KHDRBS2: variants seen among roughly 807,000 people sequenced by gnomAD.
KHDRBS2 encodes the protein KH domain-containing, RNA-binding, signal transduction-associated protein 2.
Under a neutral mutation model 44.3 loss-of-function variants are expected in KHDRBS2, and 26 were observed. That is an observed-to-expected ratio of 0.59 (90% CI 0.43 to 0.81). The LOEUF is 0.81. Ranked by LOEUF, KHDRBS2 falls within the 40% of genes least tolerant of loss-of-function variation. The pLI is 0.00. For synonymous variants in KHDRBS2, 194 were observed against 151.1 expected (o/e 1.28, Z -2.08); for missense variants, 476 against 433.1 (o/e 1.10, Z -0.88).
intron 4 of KHDRBS2, among the ~76,000 whole-genome samples, chr6:61,943,192 A>G (rs1225298661): frequency 6.6e-6 from 1 of 152,266 alleles, no homozygotes; most frequent in South Asian, 2.1e-4. Flanking sequence ...TCCATAAATT[A>G]ATGAGAAATA....
chr6:62,213,157 T>A (rs1325557172), intron 1 of KHDRBS2, among the ~76,000 whole-genome samples: 1 of 152,160 alleles, frequency 6.6e-6, no homozygotes, highest in African/African-American at 2.4e-5. Context: ...ATAATAGCTA[T>A]CAATATAATG....
At position 62,175,768 on chromosome 6, in the gene KHDRBS2, C is replaced by T. The variant is rs188353531; in HGVS notation, c.219+1417G>A. Among the ~76,000 whole-genome samples, 685 of 151,518 alleles carry T rather than the reference C, an allele frequency of 4.5e-3. 6 individuals carry two copies. The highest frequency in any genetic ancestry group is 6.3e-3 in the Admixed American group (96 of 15,174). On this transcript the variant is annotated intron_variant, in intron 2 of 8. Coordinates refer to ENST00000281156, the MANE Select transcript of KHDRBS2 (RefSeq NM_152688.4). Reference sequence around the variant, plus strand: ...TTGACATCATAGAATATTCTTATTTCGGTATTCATCATTCTGAATCAAACA... The same window carrying T: ...TTGACATCATAGAATATTCTTATTTTGGTATTCATCATTCTGAATCAAACA...
intron 1 of KHDRBS2, among the ~76,000 whole-genome samples, chr6:62,235,716 A>G (rs1246176563): frequency 6.6e-6 from 1 of 152,088 alleles, no homozygotes; most frequent in Non-Finnish European, 1.5e-5. Context: ...AATAAAATAA[A>G]TGGTGATATC....
intron 6 of KHDRBS2, among the ~76,000 whole-genome samples, chr6:61,829,031 A>G (rs905205466): frequency 2.6e-5 from 4 of 152,264 alleles, no homozygotes; most frequent in African/African-American, 4.8e-5. Context: ...TTAACTCCAG[A>G]GAGTTATATA....
intron 6 of KHDRBS2, among the ~76,000 whole-genome samples, chr6:61,774,392 A>G (rs956196435): frequency 6.6e-6 from 1 of 151,904 alleles, no homozygotes; most frequent in African/African-American, 2.4e-5. Context: ...TATATCTAGA[A>G]AACTGCATTG....
intron 1 of KHDRBS2, among the ~76,000 whole-genome samples, chr6:62,207,725 ATATTT>A (rs1308068355): frequency 6.6e-6 from 1 of 152,186 alleles, no homozygotes; most frequent in Non-Finnish European, 1.5e-5. Flanking sequence ...TGTCATCTCT[ATATTT>A]TGAGAAGCAT....
chr6:61,782,235 T>C (rs1047399798), intron 6 of KHDRBS2, among the ~76,000 whole-genome samples: 2 of 152,222 alleles, frequency 1.3e-5, no homozygotes, highest in Non-Finnish European at 2.9e-5. Flanking sequence ...CAGCAGTTAT[T>C]TAAATTCTTG....
chr6:61,916,812 G>C (rs1365350923), intron 4 of KHDRBS2, among the ~76,000 whole-genome samples: 1 of 151,832 alleles, frequency 6.6e-6, no homozygotes, highest in Non-Finnish European at 1.5e-5. Flanking sequence ...GGTCAGGCAA[G>C]TAAGTGTATG....
intron 1 of KHDRBS2, among the ~76,000 whole-genome samples, chr6:62,229,478 C>G (rs1832530760): frequency 6.6e-6 from 1 of 152,252 alleles, no homozygotes; most frequent in South Asian, 2.1e-4. Context: ...TGCCCCTCCC[C>G]CAAGTAGCTC....
intron 3 of KHDRBS2, among the ~76,000 whole-genome samples, chr6:62,041,931 A>T (rs894822790): frequency 2.0e-5 from 3 of 152,084 alleles, no homozygotes; most frequent in Admixed American, 2.0e-4. Context: ...ATGATAAATT[A>T]TTCATACAAC....
intron 7 of KHDRBS2, among the ~76,000 whole-genome samples, chr6:61,698,064 T>A (rs1382699417): frequency 6.6e-6 from 1 of 152,190 alleles, no homozygotes; most frequent in Non-Finnish European, 1.5e-5. Context: ...AATCAGGCTG[T>A]CGTTCCACTG....
chr6:62,031,586 T>C (rs1295472943), intron 3 of KHDRBS2, among the ~76,000 whole-genome samples: 1 of 152,072 alleles, frequency 6.6e-6, no homozygotes, highest in Admixed American at 6.6e-5. Flanking sequence ...TAAGGAAATA[T>C]ATCAATGGTA....
chr6:61,844,727 T>C (rs1417062902), intron 6 of KHDRBS2, among the ~76,000 whole-genome samples: 2 of 137,994 alleles, frequency 1.4e-5, no homozygotes, highest in Non-Finnish European at 3.2e-5. Context: ...AGCATTCATA[T>C]ATTCTTGATA....
chr6:61,548,277 C>T, the KHDRBS2 span, among the ~76,000 whole-genome samples: 4 of 152,058 alleles, frequency 2.6e-5, no homozygotes, highest in Non-Finnish European at 5.9e-5. Context: ...AATCATAACA[C>T]ATTTTATGAG....
At chr6:62,013,307 A>C (rs1416495142) in intron 3 of KHDRBS2, among the ~76,000 whole-genome samples, 1 of 152,158 alleles carries the variant, frequency 6.6e-6, no homozygotes, top group African/African-American at 2.4e-5. Context: ...TTATTGAAAA[A>C]TTATTCCTAA....
chr6:62,058,563 C>A (rs1311027465), intron 2 of KHDRBS2, among the ~76,000 whole-genome samples: 1 of 151,560 alleles, frequency 6.6e-6, no homozygotes, highest in South Asian at 2.1e-4. Flanking sequence ...TAAGTGGGAC[C>A]GTAGACACAG....
intron 6 of KHDRBS2, among the ~76,000 whole-genome samples, chr6:61,858,647 G>A (rs1796483095): frequency 1.3e-5 from 2 of 151,638 alleles, no homozygotes; most frequent in African/African-American, 4.8e-5. Context: ...TCCTCCTAAA[G>A]GTTGAAATTT....
At chr6:61,657,146 T>C in the KHDRBS2 span, among the ~76,000 whole-genome samples, 3,728 of 152,020 alleles carry the variant, frequency 0.025, 71 homozygotes, top group Middle Eastern at 0.082. Flanking sequence ...ATCTTACCTG[T>C]CCCTTTCCTG....
chr6:61,682,348 A>C (rs956492051), intron 8 of KHDRBS2, among the ~76,000 whole-genome samples: 4 of 151,898 alleles, frequency 2.6e-5, no homozygotes, highest in African/African-American at 7.2e-5. Context: ...CTGATACCTG[A>C]TAATAAATAA....
Sources: allele counts gnomAD v4.1 joint callset (sites outside exome capture counted in the v4.1 genomes callset), GRCh38; gene constraint gnomAD v4.1.1; transcripts MANE v1.5; gene names NCBI Gene and HGNC (gene_info 2026-07-23, HGNC 2026-07-21).